Variants in EPHB1 observed in about 807,000 individuals in gnomAD.
The protein encoded by EPHB1 is EPH receptor B1.
In EPHB1, 30 loss-of-function variants were observed where a neutral mutation model predicts 94.4. The ratio of observed to expected loss-of-function variants is 0.32; its 90% CI spans 0.24 to 0.43. The LOEUF (loss-of-function observed/expected upper bound fraction) is 0.43. Among genes scored for constraint, EPHB1 ranks in the 20% least tolerant of loss-of-function variants. The probability of loss-of-function intolerance (pLI) is 1.00; values close to 1 mark genes in which losing one functional copy is unlikely to be tolerated. For missense variants in EPHB1, 1,055 were observed against 1,308.3 expected (o/e 0.81, Z 2.99); for synonymous variants, 522 against 489.1 (o/e 1.07, Z -0.89).
At chr3:135,076,262 A>ATATATATATATAT (rs1559820194) in intron 3 of EPHB1, among the ~76,000 whole-genome samples, 6 of 68,914 alleles carry the variant, frequency 8.7e-5, no homozygotes, top group African/African-American at 6.5e-4. Flanking sequence ...TATATATATA[A>ATATATATATATAT]CTCTTAAATG....
intron 1 of EPHB1, among the ~76,000 whole-genome samples, chr3:134,808,510 T>C (rs1287293282): frequency 6.6e-6 from 1 of 152,124 alleles, no homozygotes; most frequent in Non-Finnish European, 1.5e-5. Context: ...GAAGGCATTC[T>C]TGCCATTGAT....
chr3:134,981,816 A>G (rs984191964), intron 3 of EPHB1, among the ~76,000 whole-genome samples: 7 of 152,132 alleles, frequency 4.6e-5, no homozygotes, highest in Admixed American at 2.0e-4. Context: ...AATCTGTCCA[A>G]TTTTTCCAGG....
chr3:135,254,675 C>CT lies in EPHB1; in HGVS notation c.2847-4329dup, dbSNP rs547722996. On this transcript the variant is annotated intron_variant, in intron 15 of 15. Transcript: ENST00000398015. ...ATCAGGGATATTGGTCTAAAATTCT[C>CT]TTTTTTTTGTGTGTGTCTCTGCCTG... is the stretch of plus-strand genomic sequence containing the variant. 3.3e-3 allele frequency among the ~76,000 whole-genome samples: 469 copies of CT among 142,780 alleles called. 1 individual carries two copies. The highest frequency in any genetic ancestry group is 5.3e-3 in the Non-Finnish European group (343 of 64,534). The allele number at this position is 142,780 out of a possible 152,430, so 93.7% of individuals were successfully genotyped here.
chr3:134,902,768 A>G (rs1409358279), intron 1 of EPHB1, among the ~76,000 whole-genome samples: 2 of 152,322 alleles, frequency 1.3e-5, no homozygotes, highest in East Asian at 3.9e-4. Flanking sequence ...GCTGATGAAG[A>G]GCTATTACTG....
Position 135,162,030 on chromosome 3 carries a change from T to C in EPHB1, c.1435T>C (p.Phe479Leu). Residue 479 changes from phenylalanine to leucine, a missense_variant, in exon 7 of 16, where the codon TTC becomes CTC. Coordinates refer to ENST00000398015, the MANE Select transcript of EPHB1 (RefSeq NM_004441.5). ...IRYYEKEHNE[F>L]NSSMARSQTN... ...TGCTTTCTTTTAGGAACACAATGAG[T>C]TCAACTCCTCCATGGCCAGGAGTCA... is the stretch of plus-strand genomic sequence containing the variant. 1 of 1,610,332 alleles carries C rather than the reference T, an allele frequency of 6.2e-7. No individual in the cohort carries two copies. Among genetic ancestry groups the C allele is most frequent in the Non-Finnish European group, 8.5e-7 (1 of 1,178,234 alleles).
At chr3:135,089,673 C>T (rs1005889821) in intron 3 of EPHB1, among the ~76,000 whole-genome samples, 2 of 152,210 alleles carry the variant, frequency 1.3e-5, no homozygotes, top group African/African-American at 4.8e-5. Context: ...CCTTCCTGGG[C>T]ATGAGAGGGA....
At chr3:135,189,962 C>T (rs1253538950) in intron 10 of EPHB1, among the ~76,000 whole-genome samples, 1 of 152,190 alleles carries the variant, frequency 6.6e-6, no homozygotes, top group African/African-American at 2.4e-5. Flanking sequence ...CTATATATGA[C>T]TTGTTGGGAC....
chr3:135,189,527 C>T (rs1942407239), intron 10 of EPHB1, among the ~76,000 whole-genome samples: 1 of 152,230 alleles, frequency 6.6e-6, no homozygotes, highest in Non-Finnish European at 1.5e-5. Context: ...ACAAGGAGTC[C>T]TGCACTTTTA....
intron 1 of EPHB1, among the ~76,000 whole-genome samples, chr3:134,918,954 A>G (rs2038623432): frequency 6.6e-6 from 1 of 152,188 alleles, no homozygotes; most frequent in South Asian, 2.1e-4. Context: ...AACTATTTAC[A>G]TTATCAGACA....
intron 3 of EPHB1, among the ~76,000 whole-genome samples, chr3:134,971,922 T>A (rs946128567): frequency 1.3e-5 from 2 of 152,238 alleles, no homozygotes; most frequent in Admixed American, 6.5e-5. Context: ...GCTGCTGATT[T>A]TTAGTCATCA....
intron 5 of EPHB1, among the ~76,000 whole-genome samples, chr3:135,145,313 G>A (rs1029120768): frequency 2.0e-5 from 3 of 152,090 alleles, no homozygotes; most frequent in African/African-American, 4.8e-5. Flanking sequence ...TTGGTTTTTT[G>A]ATATGGGAAG....
chr3:135,233,521 G>A (rs1346114763), intron 12 of EPHB1, among the ~76,000 whole-genome samples: 1 of 152,232 alleles, frequency 6.6e-6, no homozygotes, highest in African/African-American at 2.4e-5. Context: ...TTGAGTGTCT[G>A]CAGCTCTTCC....
At chr3:134,992,842 G>C (rs141147793) in intron 3 of EPHB1, among the ~76,000 whole-genome samples, 16 of 152,236 alleles carry the variant, frequency 1.1e-4, no homozygotes, top group African/African-American at 3.9e-4. Context: ...TGCTGTATTT[G>C]CTTCCCTGGG....
chr3:135,052,600 A>G (rs143614342), intron 3 of EPHB1, among the ~76,000 whole-genome samples: 3,470 of 151,584 alleles, frequency 0.023, 144 homozygotes, highest in African/African-American at 0.081. Flanking sequence ...AGTGGCTCAC[A>G]CCTGTAATCC....
At chr3:134,802,647 C>A (rs2035957260) in intron 1 of EPHB1, among the ~76,000 whole-genome samples, 1 of 152,224 alleles carries the variant, frequency 6.6e-6, no homozygotes, top group Non-Finnish European at 1.5e-5. Context: ...GTGGTACAGA[C>A]AGGATTGAGG....
chr3:135,037,953 C>A (rs770255120), intron 3 of EPHB1, among the ~76,000 whole-genome samples: 10 of 152,318 alleles, frequency 6.6e-5, no homozygotes, highest in Non-Finnish European at 1.5e-4. Context: ...AGGCTCTACC[C>A]TTTTCTTATC....
chr3:134,795,995 T>C, intron 1 of EPHB1: 1 of 472,166 alleles, frequency 2.1e-6, no homozygotes, highest in Non-Finnish European at 3.8e-6. Flanking sequence ...GCCCGCTGCA[T>C]TGCGGTGCAT....
intron 1 of EPHB1, among the ~76,000 whole-genome samples, chr3:134,916,232 C>T (rs954273194): frequency 1.3e-5 from 2 of 152,182 alleles, no homozygotes; most frequent in Non-Finnish European, 2.9e-5. Flanking sequence ...ATTTACAATC[C>T]CTTAGCTAGA....
chr3:135,230,911 A>G (rs1358823280), intron 12 of EPHB1, among the ~76,000 whole-genome samples: 2 of 152,150 alleles, frequency 1.3e-5, no homozygotes, highest in African/African-American at 2.4e-5. Flanking sequence ...TTTCTTTTCT[A>G]TGGCTGCATA....
Sources: allele counts gnomAD v4.1 joint callset (sites outside exome capture counted in the v4.1 genomes callset), GRCh38; gene constraint gnomAD v4.1.1; transcripts MANE v1.5; gene names NCBI Gene and HGNC (gene_info 2026-07-23, HGNC 2026-07-21).